The following SH3TC1 variants were observed in gnomAD, a reference collection of about 807,000 sequenced individuals.
The protein encoded by SH3TC1 is SH3 domain and tetratricopeptide repeats 1, also known as SH3 domain and tetratricopeptide repeat-containing protein 1.
A neutral mutation model predicts 117.3 loss-of-function variants in SH3TC1; 135 were observed. The ratio of observed to expected loss-of-function variants is 1.15; its 90% CI spans 1.00 to 1.33. The LOEUF (loss-of-function observed/expected upper bound fraction) is 1.33. SH3TC1 is among the 40% of genes most tolerant of loss of function. The probability of loss-of-function intolerance (pLI) is 0.00; values close to 1 mark genes in which losing one functional copy is unlikely to be tolerated. For synonymous variants in SH3TC1, 898 were observed against 816.9 expected, an observed-to-expected ratio of 1.10 and a Z score of -1.69; for missense variants, 2,092 against 1,794.3, an observed-to-expected ratio of 1.17 and a Z score of -3.00.
chr4:8,233,308 AGAC>A (rs1721416382), intron 13 of SH3TC1, 52 bp from the exon 14 acceptor site: 2 of 1,549,328 alleles, frequency 1.3e-6, no homozygotes, highest in South Asian at 2.5e-5. Context: ...GGGAGGAGGC[AGAC>A]TGGTTCCAGG....
In SH3TC1 at chr4:8,205,427, C is replaced by T. The variant is rs1298878; in HGVS notation, c.172+61C>T. On this transcript the variant is annotated intron_variant, in intron 2 of 17. Coordinates refer to ENST00000245105, the MANE Select transcript of SH3TC1 (RefSeq NM_018986.5). This position sits in a 1 kb window ranked among gnomAD's most constrained non-coding sequence, Gnocchi z 5.4. ...CCCACCCACTTCTCCACCCCACCCG[C>T]CCCGTCCATCCATCCCTCACCACCC... 525,012 of 1,533,316 alleles carry T rather than the reference C, an allele frequency of 0.34. 92,797 individuals are homozygous for T. Among genetic ancestry groups the T allele is most frequent in the South Asian group, 0.41 (32,718 of 80,346 alleles). 95.0% of individuals were successfully genotyped at this position (1,533,316 alleles called of 1,614,324 possible). A position where few individuals can be genotyped will look rare whatever the true frequency, so the allele number is the denominator to read the frequency against.
chr4:8,218,719 A>C (rs1352675836), intron 8 of SH3TC1, among the ~76,000 whole-genome samples: 2 of 152,250 alleles, frequency 1.3e-5, no homozygotes, highest in African/African-American at 4.8e-5. Flanking sequence ...CACCATGGGA[A>C]ACGCCTGGAA....
At chr4:8,187,554 CTTTTTTT>C (rs764585932) in intron 1 of SH3TC1, among the ~76,000 whole-genome samples, 1 of 139,968 alleles carries the variant, frequency 7.1e-6, no homozygotes, top group Non-Finnish European at 1.6e-5. Context: ...CTTTTCTTTT[CTTTTTTT>C]TTTTTTTTGG....
In SH3TC1 at chr4:8,227,664, G is replaced by A. The variant is rs767474162; in HGVS notation, c.1970G>A (p.Gly657Asp). 8.2e-5 allele frequency: 125 copies of A among 1,530,518 alleles called. No homozygotes were observed. Among genetic ancestry groups the A allele is most frequent in the Non-Finnish European group, 1.0e-4 (115 of 1,140,274 alleles). The allele number at this position is 1,530,518 out of a possible 1,614,324, so 94.8% of individuals were successfully genotyped here. The part of the protein sequence containing the change: ...LLQLALRRAV[G>D]GQSLQAEARA... ...CAGCTGGCGCTGCGGCGGGCGGTGG[G>A]TGGCCAGAGCCTGCAGGCCGAGGCC... Residue 657 changes from glycine to aspartate, a missense_variant, in exon 12 of 18, where the codon GGT becomes GAT. Coordinates refer to ENST00000245105, the MANE Select transcript of SH3TC1 (RefSeq NM_018986.5).
At chr4:8,187,199 G>C (rs1254851282) in intron 1 of SH3TC1, among the ~76,000 whole-genome samples, 1 of 152,200 alleles carries the variant, frequency 6.6e-6, no homozygotes, top group Non-Finnish European at 1.5e-5. Context: ...TCTCATATTA[G>C]ACAGGGGATA....
intron 8 of SH3TC1, 74 bp from the exon 9 acceptor site, chr4:8,219,261 G>T: frequency 7.1e-7 from 1 of 1,417,834 alleles, no homozygotes; most frequent in Non-Finnish European, 9.5e-7. Context: ...CAGGGTGGCT[G>T]GCATCGGCCC....
chr4:8,203,625 G>A (rs547731060), intron 1 of SH3TC1, among the ~76,000 whole-genome samples: 29 of 152,200 alleles, frequency 1.9e-4, no homozygotes, highest in African/African-American at 6.7e-4. Context: ...AGGTGGGGAA[G>A]AAATAAGCCC....
chr4:8,216,278 TGG>T (rs1252654336), intron 6 of SH3TC1, 21 bp downstream of exon 6: 1 of 1,609,368 alleles, frequency 6.2e-7, no homozygotes. Flanking sequence ...CATGGGGTGA[TGG>T]CCGAGATCCA....
chr4:8,227,315 G>T lies in SH3TC1; in HGVS notation c.1621G>T (p.Gly541Trp). Reference protein sequence around the residue: ...RSFSDEEELTGRLAQARGAAK... With the variant: ...RSFSDEEELTWRLAQARGAAK... ...CTTCAGCGACGAGGAGGAGCTGACT[G>T]GGCGCCTGGCACAGGCCCGGGGGGC... The change falls in exon 12 of 18, where the codon GGG (glycine) becomes TGG (tryptophan). Residue 541 changes from glycine to tryptophan, a missense_variant. By Grantham distance (184) the Gly-to-Trp change is radical (BLOSUM62 -2). Transcript: ENST00000245105. 6.2e-7 allele frequency: 1 copy of T among 1,610,272 alleles called. No homozygotes were observed. The highest frequency in any genetic ancestry group is 8.5e-7 in the Non-Finnish European group (1 of 1,178,998).
At chr4:8,234,867 C>G (rs952818488) in intron 14 of SH3TC1, among the ~76,000 whole-genome samples, 2 of 152,242 alleles carry the variant, frequency 1.3e-5, no homozygotes, top group Non-Finnish European at 2.9e-5. Context: ...GGCAAATCTC[C>G]TTACAAAATG....
chr4:8,224,741 C>T (rs114719768), intron 10 of SH3TC1: 5 of 173,996 alleles, frequency 2.9e-5, no homozygotes, highest in Admixed American at 1.9e-4. Context: ...CCTGGGCTGT[C>T]GGACTCAGAG....
chr4:8,216,834 G>T, intron 6 of SH3TC1, 123 bp from the exon 7 acceptor site: 1 of 978,634 alleles, frequency 1.0e-6, no homozygotes, highest in South Asian at 1.4e-5. Context: ...TGTGCCTGCA[G>T]ACACTGGGGG....
At chr4:8,222,998 G>A (rs1275395436) in intron 10 of SH3TC1, 28 bp downstream of exon 10, 18 of 1,597,354 alleles carry the variant, frequency 1.1e-5, no homozygotes, top group Non-Finnish European at 1.3e-5. Flanking sequence ...CTGTGGTGGG[G>A]CCACTGCCCT....
At position 8,225,231 on chromosome 4, in the gene SH3TC1, T is replaced by G. The variant is rs200719902; in HGVS notation, c.1285+15T>G. ...GCAGGAAAAAGGTGGGTTTTGCCAGTGGCTCAGGCTTCCTCTGGTTATGAG... is the reference window on the plus strand; with the variant it reads ...GCAGGAAAAAGGTGGGTTTTGCCAGGGGCTCAGGCTTCCTCTGGTTATGAG... On this transcript the variant is annotated intron_variant, in intron 11 of 17. Coordinates refer to ENST00000245105, the MANE Select transcript of SH3TC1 (RefSeq NM_018986.5). The surrounding 1 kb of genome is among the most constrained non-coding windows in gnomAD (Gnocchi z 5.5). 39 of 1,611,904 alleles carry G rather than the reference T, an allele frequency of 2.4e-5. No individual in the cohort carries two copies. In the African/African-American group the frequency reaches 5.1e-4, roughly 21 times the overall value.
At chr4:8,189,931 G>T (rs1355755245) in intron 1 of SH3TC1, among the ~76,000 whole-genome samples, 1 of 152,210 alleles carries the variant, frequency 6.6e-6, no homozygotes, top group Non-Finnish European at 1.5e-5. Context: ...TGGACCAGTG[G>T]CCCAGAGAGA....
chr4:8,207,908 C>A (rs1380931338), intron 2 of SH3TC1, among the ~76,000 whole-genome samples: 2 of 152,194 alleles, frequency 1.3e-5, no homozygotes, highest in African/African-American at 4.8e-5. Context: ...CTATCAACTT[C>A]AATAGGGATG....
At position 8,240,824 on chromosome 4, in the gene SH3TC1, C is replaced by T. The variant is rs142419409; in HGVS notation, c.3880C>T (p.Arg1294Cys). ...ATIYHNFLLD[R>C]EKSLFFYQKA... is the part of the protein sequence containing the mutation. ...CATCTACCACAACTTCCTCCTGGAC[C>T]GTGAGAAGTCGCTCTTCTTCTACCA... The change falls in exon 18 of 18, where the codon CGT (arginine) becomes TGT (cysteine). Residue 1294 changes from arginine (R) to cysteine (C), a missense_variant. Transcript: ENST00000245105. 341 of 1,614,118 alleles carry T rather than the reference C, an allele frequency of 2.1e-4. 1 individual carries two copies. Among genetic ancestry groups the T allele is most frequent in the Admixed American group, 1.9e-3 (112 of 60,034 alleles).
chr4:8,216,239 A>G lies in SH3TC1; in HGVS notation c.610A>G (p.Ser204Gly). The change falls in exon 6 of 18, where the codon AGC becomes GGC. Residue 204 changes from serine to glycine, a missense_variant. Transcript: ENST00000245105. ...GAACGCCTTAAGGCTGACCCACGAG[A>G]GCCTCCTCATCCAAGAAGGTGAGCG... ...DENALRLTHE[S>G]LLIQEGPFFV... The G allele has an allele frequency of 3.1e-6, 5 of 1,613,520 alleles. No homozygotes were observed. Among genetic ancestry groups the G allele is most frequent in the Non-Finnish European group, 4.2e-6 (5 of 1,179,936 alleles).
intron 12 of SH3TC1, 61 bp downstream of exon 12, chr4:8,228,705 G>C: frequency 7.0e-6 from 9 of 1,294,460 alleles, no homozygotes; most frequent in Non-Finnish European, 8.2e-6. Context: ...GCACACCTGG[G>C]GTTTGTGATT....
Sources: allele counts gnomAD v4.1 joint callset (sites outside exome capture counted in the v4.1 genomes callset), GRCh38; gene constraint gnomAD v4.1.1; non-coding constraint Gnocchi (gnomAD v3.1); transcripts MANE v1.5; gene names NCBI Gene and HGNC (gene_info 2026-07-23, HGNC 2026-07-21).